SHCBP1: variants seen among roughly 807,000 people sequenced by gnomAD.
The protein encoded by SHCBP1 is SHC SH2 domain-binding protein 1.
In SHCBP1, 60 loss-of-function variants were observed where a neutral mutation model predicts 75.1. That is an observed-to-expected ratio of 0.80 (90% confidence interval 0.65 to 0.99). The LOEUF is 0.99. SHCBP1 is among the 50% of genes least tolerant of loss of function. SHCBP1 has a pLI of 0.00. For synonymous variants in SHCBP1, 290 were observed against 293.2 expected (o/e 0.99, Z 0.11); for missense variants, 709 against 809.4 (o/e 0.88, Z 1.50).
chr16:46,601,224 G>A (rs1305455893), intron 8 of SHCBP1, among the ~76,000 whole-genome samples: 5 of 151,962 alleles, frequency 3.3e-5, no homozygotes, highest in African/African-American at 4.8e-5. Context: ...CAGGAGAATC[G>A]CTTGAACCCA....
rs1964852964 is a variant in SHCBP1, at chr16:46,580,472, T to A, written c.*1257A>T. 1 of 152,142 alleles carries A rather than the reference T, an allele frequency of 6.6e-6. No individual in the cohort carries two copies. Among genetic ancestry groups the A allele is most frequent in the Non-Finnish European group, 1.5e-5 (1 of 68,030 alleles). The allele number at this position is 152,142 out of a possible 1,614,324, so 9.4% of individuals were successfully genotyped here. On this transcript the variant is annotated 3_prime_UTR_variant, in exon 13 of 13. Transcript: ENST00000303383. ...TAAAGCATGAAAACAGATACCAAAA[T>A]ACCATGTATTCTTAAATGACCACAT...
In SHCBP1 at chr16:46,599,916, G is replaced by A. The variant is rs201051056; in HGVS notation, c.1260C>T (p.Gly420=). Residue 420 remains glycine, a synonymous_variant, in exon 9 of 13, where the codon GGC becomes GGT. Coordinates refer to ENST00000303383, the MANE Select transcript of SHCBP1 (RefSeq NM_024745.5). ...CACCAGTGCAGTCCACAAAAGTGTCGCCTTTGCCCCTCTTTTCTATCACAA... is the reference window on the plus strand; with the variant it reads ...CACCAGTGCAGTCCACAAAAGTGTCACCTTTGCCCCTCTTTTCTATCACAA... ...DDIVIEKRGK[G]DTFVDCTGAD... The A allele has an allele frequency of 1.3e-4, 217 of 1,613,220 alleles. No individual in the cohort carries two copies. Among genetic ancestry groups the A allele is most frequent in the East Asian group, 4.7e-4 (21 of 44,830 alleles).
intron 12 of SHCBP1, among the ~76,000 whole-genome samples, chr16:46,583,042 C>A (rs1964897379): frequency 6.6e-6 from 1 of 152,094 alleles, no homozygotes. Context: ...TTACTTCTAC[C>A]AATAAAAACA....
rs1232467821 is a variant in SHCBP1, at chr16:46,579,198, T to C, written c.*2531A>G. 6.6e-6 allele frequency among the ~76,000 whole-genome samples: 1 copy of C among 152,166 alleles called. No individual in the cohort carries two copies. Among genetic ancestry groups the C allele is most frequent in the Non-Finnish European group, 1.5e-5 (1 of 68,030 alleles). On this transcript the variant is annotated 3_prime_UTR_variant, in exon 13 of 13. Coordinates refer to ENST00000303383, the MANE Select transcript of SHCBP1 (RefSeq NM_024745.5). Reference sequence around the variant, plus strand: ...TGGACCATAAGGACAGGACACACAATTAGTCAACACAGAAGGCTATCCTTT... The same window carrying C: ...TGGACCATAAGGACAGGACACACAACTAGTCAACACAGAAGGCTATCCTTT...
At chr16:46,610,261 A>C (rs956383592) in intron 4 of SHCBP1, among the ~76,000 whole-genome samples, 6 of 152,134 alleles carry the variant, frequency 3.9e-5, no homozygotes, top group African/African-American at 1.2e-4. Flanking sequence ...TCATTCACAA[A>C]TTTTTAGTAT....
At position 46,581,385 on chromosome 16, in the gene SHCBP1, T is replaced by A. The variant is rs187997816; in HGVS notation, c.*344A>T. The A allele has an allele frequency of 4.1e-6, 1 of 243,334 alleles. No individual in the cohort carries two copies. Among genetic ancestry groups the A allele is most frequent in the East Asian group, 1.1e-4 (1 of 9,090 alleles). 15.1% of individuals were successfully genotyped at this position (243,334 alleles called of 1,614,324 possible). A position where few individuals can be genotyped will look rare whatever the true frequency, so the allele number is the denominator to read the frequency against. On this transcript the variant is annotated 3_prime_UTR_variant, in exon 13 of 13. Transcript: ENST00000303383. ...CACCTATTGCATTTTTATGCACTAG[T>A]CTTGCATTCCCTTCCTTACTTCCTC...
At chr16:46,610,107 C>T (rs1567452299) in intron 4 of SHCBP1, among the ~76,000 whole-genome samples, 1 of 151,890 alleles carries the variant, frequency 6.6e-6, no homozygotes, top group South Asian at 2.1e-4. Context: ...CCCGCCACCA[C>T]GCCCAGCTAA....
At chr16:46,608,527 C>A in intron 4 of SHCBP1, 138 bp from the exon 5 acceptor site, 1 of 593,482 alleles carries the variant, frequency 1.7e-6, no homozygotes, top group Non-Finnish European at 3.0e-6. Flanking sequence ...GGTTGATAGT[C>A]ATGAGTCACA....
At chr16:46,596,030 A>T (rs1048569332) in intron 9 of SHCBP1, among the ~76,000 whole-genome samples, 5 of 152,180 alleles carry the variant, frequency 3.3e-5, no homozygotes, top group African/African-American at 1.2e-4. Context: ...TCCCATGTGG[A>T]GATAACTTCA....
intron 3 of SHCBP1, 144 bp downstream of exon 3, chr16:46,617,490 C>T (rs1965518841): frequency 4.1e-6 from 2 of 488,468 alleles, no homozygotes; most frequent in Admixed American, 1.2e-4. Context: ...AGAACACTTC[C>T]TACAACATGG....
In SHCBP1 at chr16:46,610,812, G is replaced by A. The variant is rs1965404149; in HGVS notation, c.597-2423C>T. Among the ~76,000 whole-genome samples, 2 of 151,674 alleles carry A rather than the reference G, an allele frequency of 1.3e-5. 1 individual carries two copies. Among genetic ancestry groups the A allele is most frequent in the South Asian group, 4.2e-4 (2 of 4,800 alleles). On this transcript the variant is annotated intron_variant, in intron 4 of 12. Coordinates refer to ENST00000303383, the MANE Select transcript of SHCBP1 (RefSeq NM_024745.5). The stretch of plus-strand genomic sequence containing the variant: ...GGGCTAAAATGATCCGCCCACCTTG[G>A]CCTCCCAGAGTGCTACAATTACAGG...
At position 46,599,988 on chromosome 16, in the gene SHCBP1, C is replaced by G. The variant is rs754573938; in HGVS notation, c.1214-26G>C. On this transcript the variant is annotated intron_variant, in intron 8 of 12. Transcript: ENST00000303383. ...CTAAGGAAGAGAGAGCAACAACACT[C>G]AAGATGGGTGAGGAAAAACATCTAA... 4.3e-6 allele frequency: 7 copies of G among 1,609,986 alleles called. No homozygotes were observed. The Admixed American group carries it at 1.2e-4, about 27-fold the overall frequency.
At chr16:46,608,525 G>T in intron 4 of SHCBP1, 136 bp from the exon 5 acceptor site, 1 of 596,482 alleles carries the variant, frequency 1.7e-6, no homozygotes, top group Non-Finnish European at 2.9e-6. Flanking sequence ...ATGGTTGATA[G>T]TCATGAGTCA....
Position 46,616,762 on chromosome 16 carries a change from G to A in SHCBP1, c.388-608C>T, listed in dbSNP as rs1965505784. On this transcript the variant is annotated intron_variant, in intron 3 of 12. Transcript: ENST00000303383. This position sits in a 1 kb window ranked among gnomAD's most constrained non-coding sequence, Gnocchi z 4.4. ...GGAGTTTTAAGCAGAGAAATGGCAT[G>A]CTTCTGTTTTAAAACAATGACTTTC... Among the ~76,000 whole-genome samples the A allele has an allele frequency of 6.6e-6, 1 of 152,198 alleles. No homozygotes were observed. The highest frequency in any genetic ancestry group is 1.5e-5 in the Non-Finnish European group (1 of 68,036).
chr16:46,586,321 A>T (rs1165498768), intron 10 of SHCBP1, among the ~76,000 whole-genome samples: 2 of 152,228 alleles, frequency 1.3e-5, no homozygotes, highest in African/African-American at 4.8e-5. Context: ...CAATAACTGA[A>T]ATAGAAAGCT....
At chr16:46,594,750 C>T (rs1289049123) in intron 10 of SHCBP1, among the ~76,000 whole-genome samples, 1 of 151,898 alleles carries the variant, frequency 6.6e-6, no homozygotes, top group African/African-American at 2.4e-5. Flanking sequence ...GTCACTTACT[C>T]CTTAAAAAAT....
At chr16:46,605,779 G>A (rs1041511148) in intron 5 of SHCBP1, among the ~76,000 whole-genome samples, 2 of 151,738 alleles carry the variant, frequency 1.3e-5, no homozygotes, top group African/African-American at 4.8e-5. Flanking sequence ...ATAAGATAGG[G>A]AAAAACAAAT....
At chr16:46,615,888 C>G (rs1392346772) in intron 4 of SHCBP1, 58 bp downstream of exon 4, 1,966 of 1,429,564 alleles carry the variant, frequency 1.4e-3, no homozygotes, top group Non-Finnish European at 1.8e-3. Flanking sequence ...ACCAGAATTA[C>G]TTCATTTCAT....
At chr16:46,599,809 T>A in intron 9 of SHCBP1, 22 bp downstream of exon 9, 3 of 1,576,408 alleles carry the variant, frequency 1.9e-6, no homozygotes, top group Non-Finnish European at 2.6e-6. Context: ...ACAAATGATA[T>A]ACCAAACATT....
Sources: gnomAD v4.1 joint callset for allele counts (sites outside exome capture counted in the v4.1 genomes callset) on GRCh38, gnomAD v4.1.1 for gene constraint, Gnocchi (gnomAD v3.1) non-coding constraint, MANE v1.5 for transcripts, NCBI Gene and HGNC (gene_info 2026-07-23, HGNC 2026-07-21) for gene names.